Variants in SPTBN1 observed in about 807,000 individuals in gnomAD.
SPTBN1 encodes the protein spectrin beta, non-erythrocytic 1.
A neutral mutation model predicts 266.4 loss-of-function variants in SPTBN1; 32 were observed. That is an observed-to-expected ratio of 0.12 (90% confidence interval 0.09 to 0.16). SPTBN1 has a LOEUF of 0.16. SPTBN1 is among the 10% of genes least tolerant of loss of function. SPTBN1 has a pLI of 1.00. For missense variants in SPTBN1, 2,296 were observed against 3,067.1 expected, an observed-to-expected ratio of 0.75 and a Z score of 5.94; for synonymous variants, 1,336 against 1,162.2, an observed-to-expected ratio of 1.15 and a Z score of -3.04.
intron 1 of SPTBN1, among the ~76,000 whole-genome samples, chr2:54,506,749 ATTAT>A (rs543113739): frequency 2.4e-3 from 368 of 152,326 alleles, no homozygotes; most frequent in African/African-American, 8.5e-3. Context: ...TACACAGGTA[ATTAT>A]TTAAACACCA....
intron 1 of SPTBN1, among the ~76,000 whole-genome samples, chr2:54,503,787 C>T (rs1280822830): frequency 6.6e-6 from 1 of 152,182 alleles, no homozygotes; most frequent in Non-Finnish European, 1.5e-5. Context: ...AGTGTGGTTA[C>T]AATGAATGGC....
At chr2:54,627,122 A>G (rs1182717831) in intron 12 of SPTBN1, among the ~76,000 whole-genome samples, 4 of 152,096 alleles carry the variant, frequency 2.6e-5, no homozygotes, top group African/African-American at 9.7e-5. Context: ...ATAAGCTGTC[A>G]TCTGTTGCCT....
chr2:54,611,856 G>C (rs570670004), intron 3 of SPTBN1, among the ~76,000 whole-genome samples: 1 of 152,068 alleles, frequency 6.6e-6, no homozygotes, highest in Non-Finnish European at 1.5e-5. Context: ...CAGCAGTAGC[G>C]CTGAAATTCT....
chr2:54,588,906 G>T lies in SPTBN1; in HGVS notation c.149-10186G>T, dbSNP rs371335452. Among the ~76,000 whole-genome samples, 33 of 151,590 alleles carry T rather than the reference G, an allele frequency of 2.2e-4. No individual in the cohort carries two copies. In the East Asian group the frequency reaches 4.5e-3, roughly 20 times the overall value. The stretch of plus-strand genomic sequence containing the variant: ...CTGGTTTTGGCACCTTACACTATTG[G>T]TTTTTTTTGTTTTGTTTTTTAAAAA... On this transcript the variant is annotated intron_variant, in intron 2 of 35. Coordinates refer to ENST00000356805, the MANE Select transcript of SPTBN1 (RefSeq NM_003128.3).
At chr2:54,485,656 T>A (rs1467631569) in intron 1 of SPTBN1, among the ~76,000 whole-genome samples, 1 of 151,630 alleles carries the variant, frequency 6.6e-6, no homozygotes, top group Non-Finnish European at 1.5e-5. Context: ...TCGCCCATCG[T>A]CTGGGATGTG....
chr2:54,627,398 C>T (rs1678420958), intron 12 of SPTBN1, among the ~76,000 whole-genome samples: 3 of 152,278 alleles, frequency 2.0e-5, no homozygotes, highest in East Asian at 1.9e-4. Flanking sequence ...CCCCAAATTT[C>T]GCTGGTTGAT....
chr2:54,590,008 T>C (rs1360551454), intron 2 of SPTBN1, among the ~76,000 whole-genome samples: 1 of 152,242 alleles, frequency 6.6e-6, no homozygotes, highest in Non-Finnish European at 1.5e-5. Flanking sequence ...GATTGGGTCA[T>C]GTTTAAATAA....
intron 1 of SPTBN1, among the ~76,000 whole-genome samples, chr2:54,513,053 A>G (rs1259337720): frequency 6.6e-6 from 1 of 152,152 alleles, no homozygotes; most frequent in Non-Finnish European, 1.5e-5. Flanking sequence ...TTAGCCAGGC[A>G]TGGTGGTGTG....
chr2:54,509,382 C>T (rs1423905951), intron 1 of SPTBN1, among the ~76,000 whole-genome samples: 1 of 152,156 alleles, frequency 6.6e-6, no homozygotes, highest in Admixed American at 6.5e-5. Flanking sequence ...AAAGTATATG[C>T]ATCAGGTGTG....
At chr2:54,593,193 G>A (rs948571823) in intron 2 of SPTBN1, among the ~76,000 whole-genome samples, 1 of 152,090 alleles carries the variant, frequency 6.6e-6, no homozygotes, top group African/African-American at 2.4e-5. Context: ...CTCTGAGCCT[G>A]TGGAACTAAA....
At chr2:54,564,966 A>C (rs1347204722) in intron 2 of SPTBN1, among the ~76,000 whole-genome samples, 1 of 152,226 alleles carries the variant, frequency 6.6e-6, no homozygotes. Context: ...TAATGAAGTC[A>C]GTGTTATAGA....
rs1192786046 is a variant in SPTBN1 at position 54,628,784 on chromosome 2, T to C, written c.1799-149T>C. ...TTCTAGTCAAGTTGTTAGAAGGTGC[T>C]CCATTGCCTTATCGCATGGCCCTGC... On this transcript the variant is annotated intron_variant, in intron 13 of 35. Coordinates refer to ENST00000356805, the MANE Select transcript of SPTBN1 (RefSeq NM_003128.3). This position sits in a 1 kb window ranked among gnomAD's most constrained non-coding sequence, Gnocchi z 4.3. 2.6e-5 allele frequency: 27 copies of C among 1,040,576 alleles called. No individual in the cohort carries two copies. The highest frequency in any genetic ancestry group is 9.1e-5 in the Admixed American group (3 of 33,114). 64.5% of individuals were successfully genotyped at this position (1,040,576 alleles called of 1,614,324 possible). A position where few individuals can be genotyped will look rare whatever the true frequency, so the allele number is the denominator to read the frequency against.
intron 24 of SPTBN1, 34 bp from the exon 25 acceptor site, chr2:54,648,952 C>A: frequency 6.5e-7 from 1 of 1,527,340 alleles, no homozygotes; most frequent in South Asian, 1.2e-5. Flanking sequence ...CATTTAAGAT[C>A]CTTTTTCTCC....
At chr2:54,509,246 T>G (rs1387757459) in intron 1 of SPTBN1, among the ~76,000 whole-genome samples, 3 of 152,118 alleles carry the variant, frequency 2.0e-5, no homozygotes, top group Non-Finnish European at 4.4e-5. Flanking sequence ...ATCAGAGAGA[T>G]ACAGTCATGG....
intron 2 of SPTBN1, chr2:54,529,851 CCAAAAAAAAAAAAAA>C (rs1671100586): frequency 6.7e-5 from 4 of 59,522 alleles, no homozygotes; most frequent in South Asian, 5.4e-4. Flanking sequence ...TCTCTTTTCA[CCAAAAAAAAAAAAAA>C]AAAAAAAAAA....
At chr2:54,490,156 C>G (rs2104007631) in intron 1 of SPTBN1, among the ~76,000 whole-genome samples, 1 of 151,816 alleles carries the variant, frequency 6.6e-6, no homozygotes, top group South Asian at 2.1e-4. Context: ...ACTGCAACCT[C>G]CGCCTCCCAG....
rs569549533 is a variant in SPTBN1 at position 54,667,661 on chromosome 2, G to A, written c.6876+15G>A. 13 of 1,612,364 alleles carry A rather than the reference G, an allele frequency of 8.1e-6. No homozygotes were observed. In the Admixed American group the frequency reaches 2.2e-4, roughly 27 times the overall value. On this transcript the variant is annotated intron_variant, in intron 35 of 35. Coordinates refer to ENST00000356805, the MANE Select transcript of SPTBN1 (RefSeq NM_003128.3). Reference sequence around the variant, plus strand: ...CCAAAGACGATGTAAGTTTCTAAATGTTATTTCTCTCCACTACTTAGGAGT... The same window carrying A: ...CCAAAGACGATGTAAGTTTCTAAATATTATTTCTCTCCACTACTTAGGAGT...
chr2:54,632,869 C>A, intron 17 of SPTBN1, 101 bp downstream of exon 17: 1 of 1,316,644 alleles, frequency 7.6e-7, no homozygotes. Flanking sequence ...ATAAATTTCC[C>A]AGTGGGCAGA....
intron 1 of SPTBN1, among the ~76,000 whole-genome samples, chr2:54,511,516 T>C (rs536404522): frequency 5.8e-4 from 89 of 152,268 alleles, no homozygotes; most frequent in Middle Eastern, 6.8e-3. Context: ...TCGGGATGAT[T>C]GAAGCACATT....
Sources: allele counts gnomAD v4.1 joint callset (sites outside exome capture counted in the v4.1 genomes callset), GRCh38; gene constraint gnomAD v4.1.1; non-coding constraint Gnocchi (gnomAD v3.1); transcripts MANE v1.5; gene names NCBI Gene and HGNC (gene_info 2026-07-23, HGNC 2026-07-21).